GHR: variants seen among roughly 807,000 people sequenced by gnomAD.
GHR encodes growth hormone receptor.
In GHR, 35 loss-of-function variants were observed where a neutral mutation model predicts 67.1. The ratio of observed to expected loss-of-function variants is 0.52; its 90% CI spans 0.40 to 0.69. The LOEUF (loss-of-function observed/expected upper bound fraction) is 0.69, where lower values mean the gene tolerates loss of function less well. Ranked by LOEUF, GHR falls within the 30% of genes least tolerant of loss-of-function variation. GHR has a pLI of 0.00. For missense variants in GHR, 792 were observed against 764.6 expected (o/e 1.04, Z -0.42); for synonymous variants, 272 against 269.1 (o/e 1.01, Z -0.10).
chr5:42,493,276 GAGA>G (rs1266489481), intron 1 of GHR, among the ~76,000 whole-genome samples: 2 of 152,144 alleles, frequency 1.3e-5, no homozygotes, highest in African/African-American at 4.8e-5. Flanking sequence ...CTGTAGAATG[GAGA>G]AGGAGTTTGG....
chr5:42,719,279 C>T lies in GHR; in HGVS notation c.1772C>T (p.Pro591Leu), dbSNP rs1351464021. The T allele has an allele frequency of 1.2e-6, 2 of 1,614,018 alleles. No homozygotes were observed. Among genetic ancestry groups the T allele is most frequent in the Non-Finnish European group, 1.7e-6 (2 of 1,180,010 alleles). ...GAACATGTTCCAGGTTCTGAGATGCCTGTCCCAGACTATACCTCCATTCAT... is the reference window on the plus strand; with the variant it reads ...GAACATGTTCCAGGTTCTGAGATGCTTGTCCCAGACTATACCTCCATTCAT... ...TGEHVPGSEM[P>L]VPDYTSIHIV... The change falls in exon 10 of 10, where the codon CCT becomes CTT. Residue 591 changes from proline (P) to leucine (L), a missense_variant. Physicochemically the swap from Pro to Leu is moderately conservative, Grantham distance 98 (BLOSUM62 -3). Coordinates refer to ENST00000230882, the MANE Select transcript of GHR (RefSeq NM_000163.5).
chr5:42,506,638 A>G (rs1746788983), intron 1 of GHR, among the ~76,000 whole-genome samples: 1 of 152,236 alleles, frequency 6.6e-6, no homozygotes, highest in Non-Finnish European at 1.5e-5. Flanking sequence ...TTTATAGGCT[A>G]TGTACCCAGT....
At chr5:42,555,902 A>G (rs1749282613) in intron 1 of GHR, among the ~76,000 whole-genome samples, 2 of 152,138 alleles carry the variant, frequency 1.3e-5, no homozygotes, top group South Asian at 4.1e-4. Flanking sequence ...GCTTATAACA[A>G]AATTTTAGAA....
intron 2 of GHR, among the ~76,000 whole-genome samples, chr5:42,576,118 T>TAAA (rs1234710494): frequency 3.5e-5 from 3 of 85,022 alleles, no homozygotes; most frequent in African/African-American, 1.7e-4. Context: ...TAAAATAAAA[T>TAAA]AAAATAAAAT....
chr5:42,690,463 CT>C (rs1255778759), intron 4 of GHR, among the ~76,000 whole-genome samples: 6 of 152,102 alleles, frequency 3.9e-5, no homozygotes, highest in African/African-American at 1.4e-4. Flanking sequence ...TAAATGGTAG[CT>C]GGTATTCTTC....
In GHR at chr5:42,615,929, G is replaced by A. The variant is rs751982751; in HGVS notation, c.71-13109G>A. On this transcript the variant is annotated intron_variant, in intron 2 of 9. Coordinates refer to ENST00000230882, the MANE Select transcript of GHR (RefSeq NM_000163.5). ...ATGATTGGAAATAAGTATTACAAAT[G>A]GTCCACATTTTAATGTGACTTCTAG... Among the ~76,000 whole-genome samples, 6 of 152,138 alleles carry A rather than the reference G, an allele frequency of 3.9e-5. No individual in the cohort carries two copies. The East Asian group carries it at 1.2e-3, about 29-fold the overall frequency.
At chr5:42,550,080 C>G in intron 1 of GHR, 1 of 975,366 alleles carries the variant, frequency 1.0e-6, no homozygotes, top group Non-Finnish European at 1.2e-6. Flanking sequence ...GCCTGATGAT[C>G]AATGATATTA....
intron 2 of GHR, among the ~76,000 whole-genome samples, chr5:42,582,422 A>G (rs998325945): frequency 5.9e-5 from 9 of 152,150 alleles, no homozygotes; most frequent in African/African-American, 1.7e-4. Flanking sequence ...ACTTATCCAA[A>G]CTCGGGCAGA....
intron 4 of GHR, among the ~76,000 whole-genome samples, chr5:42,693,366 T>A (rs1757511532): frequency 6.6e-6 from 1 of 151,988 alleles, no homozygotes; most frequent in Non-Finnish European, 1.5e-5. Flanking sequence ...GGTCTCAATC[T>A]CCTAACCCAT....
chr5:42,548,756 CT>C (rs1198730614), intron 1 of GHR, among the ~76,000 whole-genome samples: 1 of 152,096 alleles, frequency 6.6e-6, no homozygotes, highest in Non-Finnish European at 1.5e-5. Flanking sequence ...AGCGAAACTT[CT>C]TTTTTTCTGT....
chr5:42,586,930 A>G (rs761216461), intron 2 of GHR, among the ~76,000 whole-genome samples: 20 of 152,060 alleles, frequency 1.3e-4, no homozygotes, highest in Non-Finnish European at 2.8e-4. Flanking sequence ...GGGAAAGGGG[A>G]TAGAGGGTCA....
intron 1 of GHR, chr5:42,549,734 T>G (rs1748918378): frequency 1.2e-6 from 1 of 868,452 alleles, no homozygotes; most frequent in South Asian, 5.2e-5. Context: ...CATGGCTGGA[T>G]GTACCTCTCT....
chr5:42,647,271 T>C (rs1754782311), intron 3 of GHR, among the ~76,000 whole-genome samples: 1 of 152,026 alleles, frequency 6.6e-6, no homozygotes, highest in Non-Finnish European at 1.5e-5. Context: ...CTTTGTGCAA[T>C]GATATTAATA....
intron 3 of GHR, among the ~76,000 whole-genome samples, chr5:42,680,886 T>C (rs2111586845): frequency 6.6e-6 from 1 of 152,140 alleles, no homozygotes; most frequent in East Asian, 1.9e-4. Flanking sequence ...CTGGCATGCA[T>C]GTGCACAACG....
At chr5:42,613,077 G>A (rs144611371) in intron 2 of GHR, among the ~76,000 whole-genome samples, 1 of 152,196 alleles carries the variant, frequency 6.6e-6, no homozygotes, top group East Asian at 1.9e-4. Flanking sequence ...CTACATAAAT[G>A]CATAATATTA....
In GHR at chr5:42,718,861, G is replaced by A. The variant is rs1250321149; in HGVS notation, c.1354G>A (p.Glu452Lys). Residue 452 changes from glutamate to lysine, a missense_variant, in exon 10 of 10, where the codon GAG becomes AAG. Physicochemically the swap from Glu to Lys is moderately conservative, Grantham distance 56 (BLOSUM62 1). Transcript: ENST00000230882. Reference sequence around the variant, plus strand: ...TCAGCAGCCCAGTGTTATCCAAGCAGAGAAAAACAAACCACAACCACTTCC... The same window carrying A: ...TCAGCAGCCCAGTGTTATCCAAGCAAAGAAAAACAAACCACAACCACTTCC... ...ATQQPSVIQA[E>K]KNKPQPLPTE... The A allele has an allele frequency of 1.2e-6, 2 of 1,614,114 alleles. No homozygotes were observed.
intron 3 of GHR, among the ~76,000 whole-genome samples, chr5:42,673,492 G>C (rs1003554182): frequency 6.6e-6 from 1 of 152,104 alleles, no homozygotes; most frequent in African/African-American, 2.4e-5. Context: ...TTACAACACT[G>C]TTCGCAATAG....
intron 1 of GHR, among the ~76,000 whole-genome samples, chr5:42,485,067 T>A (rs1375741026): frequency 6.6e-6 from 1 of 152,222 alleles, no homozygotes; most frequent in African/African-American, 2.4e-5. Flanking sequence ...AAACGATTCC[T>A]AGCACTGAGT....
Position 42,594,572 on chromosome 5 carries a change from T to C in GHR, c.70+28628T>C, listed in dbSNP as rs149785429. On this transcript the variant is annotated intron_variant, in intron 2 of 9. Transcript: ENST00000230882. ...GACCTTTTCTTCCTAGCCACTGATA[T>C]AGCAGTGCCAACTGTGGACTCTCTT... Among the ~76,000 whole-genome samples the C allele has an allele frequency of 4.6e-5, 7 of 152,332 alleles. No homozygotes were observed. The East Asian group carries it at 1.3e-3, about 29-fold the overall frequency.
Sources: allele counts gnomAD v4.1 joint callset (sites outside exome capture counted in the v4.1 genomes callset), GRCh38; gene constraint gnomAD v4.1.1; transcripts MANE v1.5; gene names NCBI Gene and HGNC (gene_info 2026-07-23, HGNC 2026-07-21).